Variants in SLC30A9 observed in about 807,000 individuals in gnomAD.
SLC30A9 encodes the protein proton-coupled zinc antiporter SLC30A9, mitochondrial.
A neutral mutation model predicts 87.5 loss-of-function variants in SLC30A9; 58 were observed. The observed-to-expected ratio is 0.66, with a 90% CI of 0.54 to 0.82. SLC30A9 has a LOEUF of 0.82. Ranked by LOEUF, SLC30A9 falls within the 40% of genes least tolerant of loss-of-function variation. The pLI is 0.00. For synonymous variants in SLC30A9, 234 were observed against 233.0 expected, an observed-to-expected ratio of 1.00 and a Z score of -0.04; for missense variants, 557 against 679.1, an observed-to-expected ratio of 0.82 and a Z score of 2.00.
chr4:42,042,211 C>T (rs1034139084), intron 8 of SLC30A9, among the ~76,000 whole-genome samples: 3 of 152,106 alleles, frequency 2.0e-5, no homozygotes, highest in African/African-American at 7.2e-5. Context: ...TGAGACAGAA[C>T]CTTTTAATCC....
intron 9 of SLC30A9, among the ~76,000 whole-genome samples, chr4:42,056,047 C>T (rs1487955706): frequency 6.6e-6 from 1 of 152,110 alleles, no homozygotes; most frequent in Non-Finnish European, 1.5e-5. Flanking sequence ...TCTGTCTTAC[C>T]TCTGAGGAGA....
intron 6 of SLC30A9, among the ~76,000 whole-genome samples, chr4:42,033,960 C>G (rs559868516): frequency 6.6e-6 from 1 of 152,264 alleles, no homozygotes; most frequent in South Asian, 2.1e-4. Context: ...TTATAATACT[C>G]TGTTTTTTGA....
In SLC30A9 at chr4:42,077,814, A is replaced by G. The variant is rs138060817; in HGVS notation, c.1549-398A>G. 9.0e-3 allele frequency among the ~76,000 whole-genome samples: 1,368 copies of G among 151,576 alleles called. 22 individuals are homozygous for G. Among genetic ancestry groups the G allele is most frequent in the African/African-American group, 0.032 (1,316 of 41,290 alleles). On this transcript the variant is annotated intron_variant, in intron 16 of 17. Transcript: ENST00000264451. The stretch of plus-strand genomic sequence containing the variant: ...TGCTTTTTATTCTTTTGCATGAAAA[A>G]TCCTTCCATATCCCATTATCATAAA...
At chr4:41,996,415 T>G (rs1322062226) in intron 1 of SLC30A9, among the ~76,000 whole-genome samples, 5 of 151,782 alleles carry the variant, frequency 3.3e-5, no homozygotes, top group Admixed American at 3.3e-4. Context: ...TTTTAAGCCA[T>G]AGGCTTAGAA....
At chr4:41,998,980 T>G (rs1714864821) in intron 1 of SLC30A9, among the ~76,000 whole-genome samples, 1 of 152,174 alleles carries the variant, frequency 6.6e-6, no homozygotes. Flanking sequence ...ATTAAGGACT[T>G]TTCAAAACAG....
At chr4:42,010,715 A>G (rs1400156703) in intron 2 of SLC30A9, among the ~76,000 whole-genome samples, 1 of 152,206 alleles carries the variant, frequency 6.6e-6, no homozygotes, top group African/African-American at 2.4e-5. Context: ...TCACAGTGGT[A>G]TTGTGAATAC....
intron 6 of SLC30A9, among the ~76,000 whole-genome samples, chr4:42,033,716 T>C (rs1490815705): frequency 2.0e-5 from 3 of 152,054 alleles, no homozygotes; most frequent in East Asian, 1.9e-4. Context: ...GCTGGGACTA[T>C]AGGCACATGC....
chr4:42,017,309 A>G (rs981795635), intron 2 of SLC30A9, among the ~76,000 whole-genome samples: 1 of 148,878 alleles, frequency 6.7e-6, no homozygotes, highest in Non-Finnish European at 1.5e-5. Context: ...AATATTCTTG[A>G]TTACTTTTGT....
intron 7 of SLC30A9, 57 bp downstream of exon 7, chr4:42,035,390 T>G: frequency 1.3e-6 from 2 of 1,571,152 alleles, no homozygotes; most frequent in Non-Finnish European, 1.7e-6. Context: ...AATTCTAATA[T>G]CAGTCCATTG....
intron 14 of SLC30A9, chr4:42,070,292 G>C: frequency 2.6e-6 from 1 of 381,550 alleles, no homozygotes; most frequent in Non-Finnish European, 4.7e-6. Flanking sequence ...TGTAATGACA[G>C]GTACAAGTAA....
chr4:42,034,082 CAAAAATTTGAGAAAACACAGTAATAG>C (rs77618020), intron 6 of SLC30A9, among the ~76,000 whole-genome samples: 99,793 of 151,740 alleles, frequency 0.66, 36,793 homozygotes, highest in East Asian at 0.96. Flanking sequence ...TTTTGTAATA[CAAAAATTTGAGAAAACACAGTAATAG>C]AAAAATACTC....
Position 42,054,516 on chromosome 4 carries a change from A to C in SLC30A9, c.840+5037A>C, listed in dbSNP as rs1442924759. 2.7e-5 allele frequency among the ~76,000 whole-genome samples: 4 copies of C among 146,468 alleles called. No individual in the cohort carries two copies. The East Asian group carries it at 8.2e-4, about 30-fold the overall frequency. ...TGATTTTTTTTTTTTTTTGAGACAG[A>C]GTCTCGCTCTGTCACCCAGGCTGGA... On this transcript the variant is annotated intron_variant, in intron 9 of 17. Transcript: ENST00000264451.
At chr4:41,999,676 T>G (rs1165214048) in intron 1 of SLC30A9, among the ~76,000 whole-genome samples, 1 of 151,472 alleles carries the variant, frequency 6.6e-6, no homozygotes, top group Non-Finnish European at 1.5e-5. Context: ...ACATAAAAAT[T>G]GCAGTTAAAA....
At chr4:42,068,268 A>G (rs1161423966) in intron 14 of SLC30A9, among the ~76,000 whole-genome samples, 3 of 142,698 alleles carry the variant, frequency 2.1e-5, no homozygotes, top group Non-Finnish European at 3.0e-5. Flanking sequence ...TTTGAGACAG[A>G]GTTTTGCTCT....
intron 1 of SLC30A9, among the ~76,000 whole-genome samples, chr4:41,995,587 C>G (rs952507694): frequency 7.2e-5 from 11 of 152,154 alleles, no homozygotes; most frequent in African/African-American, 2.4e-4. Context: ...AGGACTCCAG[C>G]TTTTCTGAGG....
intron 17 of SLC30A9, among the ~76,000 whole-genome samples, chr4:42,080,390 C>T (rs1247615684): frequency 6.6e-6 from 1 of 152,142 alleles, no homozygotes; most frequent in Non-Finnish European, 1.5e-5. Context: ...CAGCCAAGGG[C>T]AGAAGAAGTG....
intron 9 of SLC30A9, among the ~76,000 whole-genome samples, chr4:42,055,536 G>A (rs182731059): frequency 7.4e-4 from 113 of 152,244 alleles, no homozygotes; most frequent in Middle Eastern, 3.4e-3. Context: ...ACAGGCGCCC[G>A]CCACCACGCC....
At chr4:42,084,102 A>G (rs1238184311) in intron 17 of SLC30A9, among the ~76,000 whole-genome samples, 1 of 152,242 alleles carries the variant, frequency 6.6e-6, no homozygotes, top group South Asian at 2.1e-4. Context: ...AATCATTTAC[A>G]GGAACTTTTC....
intron 3 of SLC30A9, chr4:42,018,397 A>G: frequency 7.6e-7 from 1 of 1,315,250 alleles, no homozygotes; most frequent in Non-Finnish European, 9.9e-7. Context: ...AGCCCAAGAA[A>G]GGAATAATGG....
Sources: gnomAD v4.1 joint callset for allele counts (sites outside exome capture counted in the v4.1 genomes callset) on GRCh38, gnomAD v4.1.1 for gene constraint, MANE v1.5 for transcripts, NCBI Gene and HGNC (gene_info 2026-07-23, HGNC 2026-07-21) for gene names.